Variants in RNF6 observed in about 807,000 individuals in gnomAD.
The protein encoded by RNF6 is ring finger protein 6.
In RNF6, 21 loss-of-function variants were observed where a neutral mutation model predicts 50.1. That is an observed-to-expected ratio of 0.42 (90% CI 0.30 to 0.60). RNF6 has a LOEUF of 0.60. RNF6 is among the 20% of genes least tolerant of loss of function. RNF6 has a pLI of 0.20. For synonymous variants in RNF6, 255 were observed against 291.8 expected (o/e 0.87, Z 1.29); for missense variants, 698 against 838.2 (o/e 0.83, Z 2.07).
At chr13:26,141,583 G>T (rs1049313648) in intron 5 of RNF6, among the ~76,000 whole-genome samples, 1 of 151,952 alleles carries the variant, frequency 6.6e-6, no homozygotes, top group Non-Finnish European at 1.5e-5. Context: ...GCAGCATATC[G>T]ACAACCAATT....
Position 26,146,423 on chromosome 13 carries a change from A to G in RNF6, n.769-13972T>C, listed in dbSNP as rs570942150. Among the ~76,000 whole-genome samples, 3 of 152,224 alleles carry G rather than the reference A, an allele frequency of 2.0e-5. No individual in the cohort carries two copies. The South Asian group carries it at 6.2e-4, about 32-fold the overall frequency. On this transcript the variant is annotated intron_variant and non_coding_transcript_variant, in intron 5 of 5. Coordinates refer to the RNF6 transcript ENST00000468480. Reference sequence around the variant, plus strand: ...CCCATTGCATTTAGGTTTCCAATTAAGTGGTCATAGTTCCCACTGTAAGGT... The same window carrying G: ...CCCATTGCATTTAGGTTTCCAATTAGGTGGTCATAGTTCCCACTGTAAGGT...
At chr13:26,170,041 G>C (rs1872621219) in intron 5 of RNF6, among the ~76,000 whole-genome samples, 1 of 152,064 alleles carries the variant, frequency 6.6e-6, no homozygotes, top group Non-Finnish European at 1.5e-5. Context: ...AGTGAGTTTT[G>C]TTTGTTTTTG....
intron 5 of RNF6, among the ~76,000 whole-genome samples, chr13:26,184,142 C>T (rs1269592809): frequency 6.7e-6 from 1 of 150,308 alleles, no homozygotes; most frequent in Non-Finnish European, 1.5e-5. Context: ...ATTCTCCTGC[C>T]TCAGCCTCCC....
chr13:26,152,267 C>G (rs1362509957), intron 5 of RNF6, among the ~76,000 whole-genome samples: 4 of 152,240 alleles, frequency 2.6e-5, no homozygotes, highest in African/African-American at 9.6e-5. Context: ...ACGTTTCCCA[C>G]TGTCCCCTTG....
intron 5 of RNF6, among the ~76,000 whole-genome samples, chr13:26,193,401 A>C (rs965086817): frequency 6.6e-6 from 1 of 152,246 alleles, no homozygotes; most frequent in African/African-American, 2.4e-5. Context: ...AAAGAGGATG[A>C]GGGAGTTAGC....
chr13:26,166,123 T>C (rs1018036253), intron 5 of RNF6, among the ~76,000 whole-genome samples: 1 of 152,178 alleles, frequency 6.6e-6, no homozygotes, highest in Admixed American at 6.5e-5. Context: ...TGATAGTGAA[T>C]AAGTCTCACG....
chr13:26,188,693 G>A (rs1021985982), intron 5 of RNF6, among the ~76,000 whole-genome samples: 1 of 126,444 alleles, frequency 7.9e-6, no homozygotes, highest in Non-Finnish European at 1.6e-5. Context: ...GGAGTGGCAT[G>A]ATCTCGGCTC....
chr13:26,190,846 T>C (rs1270500486), intron 5 of RNF6, among the ~76,000 whole-genome samples: 1 of 152,198 alleles, frequency 6.6e-6, no homozygotes, highest in Non-Finnish European at 1.5e-5. Context: ...AAGGATGCAA[T>C]GGCCAGTGGA....
rs181854456 is a variant in RNF6 at position 26,150,085 on chromosome 13, G to C, written n.769-17634C>G. ...ATATACATATACATACACACACACA[G>C]AGAGAGAGAGAGTATAGTGTGTCTG... On this transcript the variant is annotated intron_variant and non_coding_transcript_variant, in intron 5 of 5. Transcript: ENST00000468480. 5.6e-4 allele frequency among the ~76,000 whole-genome samples: 82 copies of C among 146,438 alleles called. No homozygotes were observed. In the East Asian group the frequency reaches 9.7e-3, roughly 17 times the overall value.
intron 5 of RNF6, among the ~76,000 whole-genome samples, chr13:26,189,197 G>A (rs1226355574): frequency 3.3e-5 from 5 of 151,968 alleles, no homozygotes; most frequent in Admixed American, 2.0e-4. Context: ...GTGTGGTGGC[G>A]GGCACCTGTA....
intron 5 of RNF6, among the ~76,000 whole-genome samples, chr13:26,187,859 G>C (rs1035184390): frequency 6.6e-6 from 1 of 152,192 alleles, no homozygotes; most frequent in Admixed American, 6.5e-5. Context: ...AACTAGCTGG[G>C]ACTACAGGCG....
In RNF6 at chr13:26,214,197, T is replaced by C. The variant is rs1254776611; in HGVS notation, c.1685A>G (p.Asn562Ser). ...CTGCCTGCCACCCCTACTGTCACTG[T>C]TTCGAGTATGAGGCTGGGTGGTCTC... ...ENETTQPHTRNSDSRGGRQLR... is the reference protein window; with the variant it reads ...ENETTQPHTRSSDSRGGRQLR... Residue 562 changes from asparagine to serine, a missense_variant, in exon 5 of 5, where the codon AAC becomes AGC. Transcript: ENST00000381588. 6.2e-6 allele frequency: 10 copies of C among 1,614,208 alleles called. No homozygotes were observed. Among genetic ancestry groups the C allele is most frequent in the Non-Finnish European group, 7.6e-6 (9 of 1,180,044 alleles).
intron 5 of RNF6, among the ~76,000 whole-genome samples, chr13:26,147,760 A>G (rs932354831): frequency 6.6e-6 from 1 of 152,136 alleles, no homozygotes; most frequent in Non-Finnish European, 1.5e-5. Flanking sequence ...ATTTTCAGCA[A>G]TCTCAGGTCT....
chr13:26,209,344 T>G (rs1188758074), downstream of RNF6, among the ~76,000 whole-genome samples: 1 of 152,224 alleles, frequency 6.6e-6, no homozygotes, highest in African/African-American at 2.4e-5. Flanking sequence ...ACAAAGAGAA[T>G]GCTCATGAGA....
intron 5 of RNF6, among the ~76,000 whole-genome samples, chr13:26,178,593 T>C (rs1873081878): frequency 2.0e-5 from 1 of 49,688 alleles, no homozygotes; most frequent in African/African-American, 2.9e-4. Flanking sequence ...GCCTGGTCCG[T>C]GTGTGTGTGT....
Position 26,171,132 on chromosome 13 carries a change from G to T in RNF6, n.769-38681C>A, listed in dbSNP as rs539722555. 3.9e-5 allele frequency among the ~76,000 whole-genome samples: 6 copies of T among 152,160 alleles called. No individual in the cohort carries two copies. The South Asian group carries it at 1.0e-3, about 26-fold the overall frequency. On this transcript the variant is annotated intron_variant and non_coding_transcript_variant, in intron 5 of 5. Coordinates refer to the RNF6 transcript ENST00000468480. ...AAAATGGAAAGACAACAGAATGGGA[G>T]AAAATATTTGCAAATTATGTATCTG...
chr13:26,199,705 T>C (rs1012277611), intron 5 of RNF6, among the ~76,000 whole-genome samples: 4 of 152,022 alleles, frequency 2.6e-5, no homozygotes, highest in Non-Finnish European at 4.4e-5. Context: ...TGCAACTCAA[T>C]AGTAATACAA....
chr13:26,182,095 C>T (rs1214070964), intron 5 of RNF6, among the ~76,000 whole-genome samples: 1 of 152,134 alleles, frequency 6.6e-6, no homozygotes, highest in Non-Finnish European at 1.5e-5. Flanking sequence ...ATTGAAAACA[C>T]GTATCTCCAG....
At chr13:26,158,236 C>T (rs1876664011) in intron 5 of RNF6, among the ~76,000 whole-genome samples, 1 of 152,058 alleles carries the variant, frequency 6.6e-6, no homozygotes, top group Non-Finnish European at 1.5e-5. Context: ...GAGGTCTCTG[C>T]GTCTGCGTTC....
Sources: allele counts gnomAD v4.1 joint callset (sites outside exome capture counted in the v4.1 genomes callset), GRCh38; gene constraint gnomAD v4.1.1; transcripts MANE v1.5; gene names NCBI Gene and HGNC (gene_info 2026-07-23, HGNC 2026-07-21).